Variants in DISC1 observed in about 807,000 individuals in gnomAD.
DISC1 encodes disrupted in schizophrenia 1 protein.
In DISC1, 57 loss-of-function variants were observed where a neutral mutation model predicts 84.5. The ratio of observed to expected loss-of-function variants is 0.67; its 90% CI spans 0.55 to 0.84. The LOEUF (loss-of-function observed/expected upper bound fraction) is 0.84, where lower values mean the gene tolerates loss of function less well. Ranked by LOEUF, DISC1 falls within the 40% of genes least tolerant of loss-of-function variation. The probability of loss-of-function intolerance (pLI) is 0.00; values close to 1 mark genes in which losing one functional copy is unlikely to be tolerated. For missense variants in DISC1, 1,000 were observed against 1,057.8 expected (o/e 0.95, Z 0.76); for synonymous variants, 411 against 415.2 (o/e 0.99, Z 0.12).
intron 1 of DISC1, chr1:231,629,717 A>G (rs2058550792): frequency 6.6e-6 from 1 of 152,310 alleles, no homozygotes; most frequent in African/African-American, 2.4e-5. Flanking sequence ...AAATGACAAA[A>G]ATAGTACTTG....
chr1:232,036,302 T>C (rs1670511210), intron 12 of DISC1, among the ~76,000 whole-genome samples: 1 of 152,166 alleles, frequency 6.6e-6, no homozygotes, highest in Admixed American at 6.5e-5. Flanking sequence ...ATTTCAAGCA[T>C]TCTACCCTTT....
chr1:231,670,517 G>A (rs1020755389), intron 1 of DISC1: 1 of 152,212 alleles, frequency 6.6e-6, no homozygotes, highest in Non-Finnish European at 1.5e-5. Context: ...ATGAGGTATT[G>A]TATGGAAAAG....
intron 9 of DISC1, 113 bp from the exon 10 acceptor site, chr1:231,958,715 A>T: frequency 9.5e-7 from 1 of 1,055,050 alleles, no homozygotes; most frequent in Non-Finnish European, 1.4e-6. Context: ...ATAGAATGTT[A>T]CGATTACTAG....
intron 1 of DISC1, among the ~76,000 whole-genome samples, chr1:231,671,392 G>A (rs1173581412): frequency 6.6e-6 from 1 of 151,800 alleles, no homozygotes; most frequent in African/African-American, 2.4e-5. Flanking sequence ...GCCTCTTGCT[G>A]CTTCTGAGAT....
chr1:231,980,404 G>A (rs1005411222), intron 10 of DISC1, among the ~76,000 whole-genome samples: 2 of 151,882 alleles, frequency 1.3e-5, no homozygotes, highest in African/African-American at 4.8e-5. Context: ...ATTTTTCAGG[G>A]GTGTGTTTGT....
chr1:231,745,232 T>G (rs1369045928), intron 3 of DISC1, among the ~76,000 whole-genome samples: 4 of 151,980 alleles, frequency 2.6e-5, no homozygotes, highest in Admixed American at 6.6e-5. Context: ...ATTTTCTTGT[T>G]TTTTTTTGAG....
chr1:231,891,768 A>T (rs1266980839), intron 9 of DISC1, among the ~76,000 whole-genome samples: 1 of 152,174 alleles, frequency 6.6e-6, no homozygotes, highest in Non-Finnish European at 1.5e-5. Flanking sequence ...AATTTAAAAA[A>T]CGATATTATA....
intron 11 of DISC1, among the ~76,000 whole-genome samples, chr1:232,021,256 G>A (rs1668926994): frequency 6.6e-6 from 1 of 151,912 alleles, no homozygotes; most frequent in Non-Finnish European, 1.5e-5. Flanking sequence ...GGGTCGTATT[G>A]CACTCAGATA....
intron 6 of DISC1, among the ~76,000 whole-genome samples, chr1:231,794,701 A>C (rs2078621467): frequency 6.6e-6 from 1 of 152,124 alleles, no homozygotes; most frequent in Non-Finnish European, 1.5e-5. Flanking sequence ...AAATATGTCA[A>C]GATGAAAAGT....
At chr1:231,953,813 A>C (rs1303231495) in intron 9 of DISC1, among the ~76,000 whole-genome samples, 1 of 152,188 alleles carries the variant, frequency 6.6e-6, no homozygotes, top group Admixed American at 6.5e-5. Context: ...CCATTTTCAA[A>C]GGTGAGATCG....
intron 12 of DISC1, among the ~76,000 whole-genome samples, chr1:232,030,180 A>T (rs1345027985): frequency 6.6e-6 from 1 of 152,194 alleles, no homozygotes; most frequent in African/African-American, 2.4e-5. Context: ...GACTTCCAGG[A>T]GCATTAGTGT....
chr1:231,797,502 A>T (rs2125623260), intron 7 of DISC1, among the ~76,000 whole-genome samples: 1 of 152,290 alleles, frequency 6.6e-6, no homozygotes, highest in Non-Finnish European at 1.5e-5. Flanking sequence ...TACAGGCTGC[A>T]GACGGTTGAC....
intron 11 of DISC1, 131 bp from the exon 12 acceptor site, chr1:232,026,304 G>A (rs1482607084): frequency 7.9e-6 from 5 of 630,440 alleles, no homozygotes; most frequent in African/African-American, 5.5e-5. Flanking sequence ...GATACCCAGG[G>A]GAGACACAGG....
chr1:231,869,120 A>G (rs1249784340), intron 9 of DISC1, among the ~76,000 whole-genome samples: 1 of 152,166 alleles, frequency 6.6e-6, no homozygotes, highest in African/African-American at 2.4e-5. Flanking sequence ...CACAGACTAC[A>G]TATCAGCATG....
intron 1 of DISC1, among the ~76,000 whole-genome samples, chr1:231,693,509 C>A (rs1156745209): frequency 1.3e-5 from 2 of 152,186 alleles, no homozygotes; most frequent in African/African-American, 4.8e-5. Flanking sequence ...GACCAACAGG[C>A]AAGATGTTGG....
At chr1:231,881,605 T>C (rs2086293810) in intron 9 of DISC1, among the ~76,000 whole-genome samples, 1 of 152,118 alleles carries the variant, frequency 6.6e-6, no homozygotes, top group South Asian at 2.1e-4. Context: ...AGACCTTTTA[T>C]GGAGGGGGGC....
chr1:232,030,815 A>G (rs1669940240), intron 12 of DISC1, among the ~76,000 whole-genome samples: 1 of 152,108 alleles, frequency 6.6e-6, no homozygotes, highest in Non-Finnish European at 1.5e-5. Context: ...GTTTATAGAT[A>G]AGAAAATCCA....
chr1:231,911,903 A>G (rs1479427298), intron 9 of DISC1, among the ~76,000 whole-genome samples: 1 of 152,036 alleles, frequency 6.6e-6, no homozygotes, highest in Admixed American at 6.6e-5. Context: ...AACTTCTCTT[A>G]TCGCTTCATT....
At chr1:231,866,449 C>G (rs1198693277) in intron 9 of DISC1, 1 of 755,712 alleles carries the variant, frequency 1.3e-6, no homozygotes, top group African/African-American at 1.7e-5. Context: ...TGATAATGAC[C>G]AACAGCTAAC....
Sources: gnomAD v4.1 joint callset for allele counts (sites outside exome capture counted in the v4.1 genomes callset) on GRCh38, gnomAD v4.1.1 for gene constraint, MANE v1.5 for transcripts, NCBI Gene and HGNC (gene_info 2026-07-23, HGNC 2026-07-21) for gene names.